The following SNU13 variants were observed in gnomAD, a reference collection of about 807,000 sequenced individuals.
SNU13 encodes the protein small nuclear ribonucleoprotein 13.
A neutral mutation model predicts 12.4 loss-of-function variants in SNU13; 2 were observed. The ratio of observed to expected loss-of-function variants is 0.16; its 90% CI spans 0.07 to 0.51. The LOEUF is 0.51. Among genes scored for constraint, SNU13 ranks in the 20% least tolerant of loss-of-function variants. The pLI is 0.96. For missense variants in SNU13, 66 were observed against 157.8 expected (o/e 0.42, Z 3.12); for synonymous variants, 68 against 66.5 (o/e 1.02, Z -0.11).
intron 1 of SNU13, chr22:41,682,432 CA>C: frequency 1.2e-6 from 2 of 1,611,774 alleles, no homozygotes; most frequent in Non-Finnish European, 1.7e-6. Flanking sequence ...GTCTGCTGCC[CA>C]GCACCGCAAG....
intron 1 of SNU13, among the ~76,000 whole-genome samples, chr22:41,684,376 T>C (rs538960037): frequency 6.6e-6 from 1 of 152,332 alleles, no homozygotes; most frequent in Non-Finnish European, 1.5e-5. Context: ...TTTGTGCTAG[T>C]GTTTTTTTCT....
intron 1 of SNU13, among the ~76,000 whole-genome samples, chr22:41,682,868 C>T (rs1317604473): frequency 1.3e-5 from 2 of 152,112 alleles, no homozygotes; most frequent in African/African-American, 4.8e-5. Context: ...AGGCTGGTCT[C>T]GAACTCCTGA....
intron 2 of SNU13, among the ~76,000 whole-genome samples, chr22:41,675,579 G>A (rs2147131121): frequency 6.6e-6 from 1 of 151,320 alleles, no homozygotes; most frequent in East Asian, 2.0e-4. Context: ...GTGCCACTGT[G>A]TTTAGCTAAT....
chr22:41,682,854 G>A (rs1290209998), intron 1 of SNU13, among the ~76,000 whole-genome samples: 2 of 152,058 alleles, frequency 1.3e-5, no homozygotes, highest in African/African-American at 4.8e-5. Flanking sequence ...TCACCACTTT[G>A]GCCAGGCTGG....
chr22:41,685,507 C>T (rs563634402), intron 1 of SNU13, among the ~76,000 whole-genome samples: 8 of 151,966 alleles, frequency 5.3e-5, no homozygotes, highest in Non-Finnish European at 1.0e-4. Flanking sequence ...GCATGCGCCA[C>T]CATGCCCGGC....
At position 41,680,201 on chromosome 22, in the gene SNU13, G is replaced by C. The variant is rs2068250467; in HGVS notation, c.124+43C>G. 3 of 1,577,336 alleles carry C rather than the reference G, an allele frequency of 1.9e-6. No individual in the cohort carries two copies. In the African/African-American group the frequency reaches 4.1e-5, roughly 21 times the overall value. ...AGATCAGAGGCCCCAGATGGAAACA[G>C]GTGCCTTTAACATTCCCCCAGAGCA... On this transcript the variant is annotated intron_variant, in intron 2 of 2. Transcript: ENST00000401959.
intron 1 of SNU13, chr22:41,682,521 A>T: frequency 6.6e-7 from 1 of 1,524,952 alleles, no homozygotes; most frequent in Non-Finnish European, 8.8e-7. Context: ...GCCAGCCCGT[A>T]CACCAGGACG....
At chr22:41,690,213 C>T (rs2068348871), upstream of SNU13, among the ~76,000 whole-genome samples, 1 of 152,098 alleles carries the variant, frequency 6.6e-6, no homozygotes, top group Admixed American at 6.5e-5. Flanking sequence ...AGTGGTTAAA[C>T]AAGAATACAT....
At chr22:41,686,783 C>G (rs1489518192) in intron 1 of SNU13, among the ~76,000 whole-genome samples, 1 of 151,356 alleles carries the variant, frequency 6.6e-6, no homozygotes. Flanking sequence ...CGCACCACCA[C>G]GCCTGGCTAA....
chr22:41,682,706 A>T, intron 1 of SNU13: 1 of 523,658 alleles, frequency 1.9e-6, no homozygotes, highest in East Asian at 6.4e-5. Flanking sequence ...TTAGAGACGG[A>T]GTCTCCCTCT....
At chr22:41,682,478 A>G (rs561645995) in intron 1 of SNU13, 316 of 1,588,420 alleles carry the variant, frequency 2.0e-4, no homozygotes, top group Non-Finnish European at 1.7e-4. Flanking sequence ...GCAGGAAGTG[A>G]CGCCACTGCC....
intron 2 of SNU13, chr22:41,679,652 T>C (rs544326136): frequency 1.8e-4 from 27 of 148,774 alleles, no homozygotes; most frequent in African/African-American, 6.3e-4. Flanking sequence ...GCATCATGCA[T>C]ACATAATTAT....
At chr22:41,687,440 A>G (rs893622436) in intron 1 of SNU13, among the ~76,000 whole-genome samples, 3 of 152,254 alleles carry the variant, frequency 2.0e-5, no homozygotes, top group African/African-American at 7.2e-5. Flanking sequence ...GGAAGACTTC[A>G]GGAATCTGAA....
At position 41,688,644 on chromosome 22, in the gene SNU13, T is replaced by G. The variant is rs939077137; in HGVS notation, c.3+150A>C. ...GGCCAGGCTGCTGGGACCCCGCCGC[T>G]GCTGGGGTTCTAACTAAGGGCCCGG... On this transcript the variant is annotated intron_variant, in intron 1 of 2. Coordinates refer to ENST00000401959, the MANE Select transcript of SNU13 (RefSeq NM_001003796.2). 4.9e-5 allele frequency: 55 copies of G among 1,113,678 alleles called. No homozygotes were observed. The East Asian group carries it at 9.4e-4, about 19-fold the overall frequency. The allele number at this position is 1,113,678 out of a possible 1,614,324, so 69.0% of individuals were successfully genotyped here.
chr22:41,684,616 T>C (rs2068295247), intron 1 of SNU13, among the ~76,000 whole-genome samples: 2 of 152,252 alleles, frequency 1.3e-5, no homozygotes, highest in African/African-American at 4.8e-5. Flanking sequence ...TTTTAACTTA[T>C]TTCCTTTTGG....
chr22:41,686,028 T>C (rs995167941), intron 1 of SNU13, among the ~76,000 whole-genome samples: 1 of 151,616 alleles, frequency 6.6e-6, no homozygotes, highest in Non-Finnish European at 1.5e-5. Flanking sequence ...CTGGGTGGTC[T>C]CCAATTCCTG....
At chr22:41,677,634 G>A (rs2068225283) in intron 2 of SNU13, among the ~76,000 whole-genome samples, 1 of 152,108 alleles carries the variant, frequency 6.6e-6, no homozygotes. Context: ...AAAAGTCATA[G>A]GAGTGACTCT....
chr22:41,688,713 A>T, intron 1 of SNU13, 81 bp downstream of exon 1: 1 of 1,536,832 alleles, frequency 6.5e-7, no homozygotes, highest in Non-Finnish European at 8.9e-7. Context: ...GCAGGCTCTA[A>T]GCCTCCATCT....
At chr22:41,684,836 C>A (rs1472903286) in intron 1 of SNU13, among the ~76,000 whole-genome samples, 2 of 152,076 alleles carry the variant, frequency 1.3e-5, no homozygotes. Flanking sequence ...CAGTGAGACC[C>A]CCATCTCTAA....
Sources: allele counts gnomAD v4.1 joint callset (sites outside exome capture counted in the v4.1 genomes callset), GRCh38; gene constraint gnomAD v4.1.1; transcripts MANE v1.5; gene names NCBI Gene and HGNC (gene_info 2026-07-23, HGNC 2026-07-21).